CNOT4: variants seen among roughly 807,000 people sequenced by gnomAD.
CNOT4 encodes CCR4-NOT transcription complex subunit 4, also known as CCR4-associated factor 4.
CNOT4 carries 8 observed loss-of-function variants against 73.8 expected under a neutral mutation model. The ratio of observed to expected loss-of-function variants is 0.11; its 90% CI spans 0.06 to 0.20. The LOEUF (loss-of-function observed/expected upper bound fraction) is 0.20, where lower values mean the gene tolerates loss of function less well. Ranked by LOEUF, CNOT4 falls within the 10% of genes least tolerant of loss-of-function variation. The pLI is 1.00. For synonymous variants in CNOT4, 293 were observed against 321.1 expected (o/e 0.91, Z 0.94); for missense variants, 564 against 883.4 (o/e 0.64, Z 4.58).
chr7:135,369,569 C>T (rs1041806854), intron 10 of CNOT4, among the ~76,000 whole-genome samples: 1 of 152,136 alleles, frequency 6.6e-6, no homozygotes, highest in African/African-American at 2.4e-5. Flanking sequence ...CTTTATAGTT[C>T]AAAACCACAG....
At chr7:135,486,577 C>T (rs895846181) in intron 1 of CNOT4, among the ~76,000 whole-genome samples, 3 of 152,190 alleles carry the variant, frequency 2.0e-5, no homozygotes, top group Admixed American at 6.5e-5. Flanking sequence ...GAAATAAAAA[C>T]TTATGTTATA....
intron 1 of CNOT4, among the ~76,000 whole-genome samples, chr7:135,505,864 T>C (rs1202943797): frequency 6.6e-6 from 1 of 152,116 alleles, no homozygotes; most frequent in Non-Finnish European, 1.5e-5. Flanking sequence ...TCTATTATAG[T>C]AGAAAAAGTT....
intron 10 of CNOT4, among the ~76,000 whole-genome samples, chr7:135,381,477 C>A (rs1452852576): frequency 6.6e-6 from 1 of 152,188 alleles, no homozygotes; most frequent in African/African-American, 2.4e-5. Context: ...GAGCTCCTTG[C>A]ACTGCCCCCC....
At chr7:135,395,550 T>C in intron 9 of CNOT4, 84 bp downstream of exon 9, 1 of 1,411,780 alleles carries the variant, frequency 7.1e-7, no homozygotes, top group Non-Finnish European at 9.6e-7. Context: ...AAGATAAAAA[T>C]ATATCCACTA....
rs1799880107 is a variant in CNOT4 at position 135,447,120 on chromosome 7, A to G, written c.-92-8697T>C. On this transcript the variant is annotated intron_variant, in intron 1 of 11. Transcript: ENST00000541284. Reference sequence around the variant, plus strand: ...TACGTAAAAGAAAGAATAAATTGTTATATGTCTGTTATAAATGACAACCTT... The same window carrying G: ...TACGTAAAAGAAAGAATAAATTGTTGTATGTCTGTTATAAATGACAACCTT... Among the ~76,000 whole-genome samples, 3 of 120,954 alleles carry G rather than the reference A, an allele frequency of 2.5e-5. 1 individual carries two copies. The highest frequency in any genetic ancestry group is 7.8e-5 in the African/African-American group (3 of 38,220). The allele number at this position is 120,954 out of a possible 152,430, so 79.4% of individuals were successfully genotyped here. A position where few individuals can be genotyped will look rare whatever the true frequency, so the allele number is the denominator to read the frequency against.
intron 1 of CNOT4, among the ~76,000 whole-genome samples, chr7:135,440,162 A>C (rs1418498762): frequency 6.6e-6 from 1 of 151,766 alleles, no homozygotes; most frequent in East Asian, 1.9e-4. Flanking sequence ...ACATATAATG[A>C]AAAGCTAATG....
chr7:135,510,071 G>T lies in CNOT4; in HGVS notation c.-275C>A. Reference sequence around the variant, plus strand: ...TTCGGTGGGTTCCACAGCCAGACGGGCCACCATCTTACATTAGGGTAAGAC... The same window carrying T: ...TTCGGTGGGTTCCACAGCCAGACGGTCCACCATCTTACATTAGGGTAAGAC... On this transcript the variant is annotated 5_prime_UTR_variant, in exon 1 of 12. Transcript: ENST00000541284. The T allele has an allele frequency of 2.5e-6, 1 of 399,156 alleles. No homozygotes were observed. The allele number at this position is 399,156 out of a possible 1,614,324, so 24.7% of individuals were successfully genotyped here.
chr7:135,378,518 GA>G (rs34652888), intron 10 of CNOT4, among the ~76,000 whole-genome samples: 107,133 of 145,144 alleles, frequency 0.74, 39,178 homozygotes, highest in Admixed American at 0.8. Flanking sequence ...TAGAGAGAAG[GA>G]AAAAAAAAAA....
chr7:135,452,381 C>T (rs1245897948), intron 1 of CNOT4, among the ~76,000 whole-genome samples: 2 of 152,112 alleles, frequency 1.3e-5, no homozygotes, highest in African/African-American at 4.8e-5. Context: ...ACCAGCCTGG[C>T]CAACATGGCG....
chr7:135,476,087 TC>T (rs1230539247), intron 1 of CNOT4, among the ~76,000 whole-genome samples: 12 of 152,172 alleles, frequency 7.9e-5, no homozygotes, highest in African/African-American at 2.4e-4. Context: ...GGAGGATCAG[TC>T]TACTGGGTCA....
At chr7:135,491,663 G>A (rs1369732226) in intron 1 of CNOT4, among the ~76,000 whole-genome samples, 1 of 152,192 alleles carries the variant, frequency 6.6e-6, no homozygotes, top group East Asian at 1.9e-4. Flanking sequence ...TTTAGACAAT[G>A]CTTTAAGGGG....
chr7:135,405,365 T>C (rs2129483842), intron 7 of CNOT4, among the ~76,000 whole-genome samples: 1 of 152,300 alleles, frequency 6.6e-6, no homozygotes, highest in East Asian at 1.9e-4. Flanking sequence ...GTGATCTGCA[T>C]ACCCCACAAT....
intron 9 of CNOT4, 75 bp from the exon 10 acceptor site, chr7:135,394,490 G>A (rs556470746): frequency 8.9e-5 from 110 of 1,232,792 alleles, no homozygotes; most frequent in Non-Finnish European, 1.1e-4. Flanking sequence ...CCATGCTACT[G>A]AAAGTTAAAC....
chr7:135,467,518 C>A (rs1801296977), intron 1 of CNOT4, among the ~76,000 whole-genome samples: 1 of 151,896 alleles, frequency 6.6e-6, no homozygotes, highest in Non-Finnish European at 1.5e-5. Flanking sequence ...CAAAACCAGC[C>A]TGGACAATAT....
chr7:135,421,545 A>G (rs1482601034), intron 3 of CNOT4, among the ~76,000 whole-genome samples: 1 of 152,160 alleles, frequency 6.6e-6, no homozygotes, highest in African/African-American at 2.4e-5. Flanking sequence ...CTTTTGGTGG[A>G]AGAAGAGAAA....
intron 2 of CNOT4, among the ~76,000 whole-genome samples, chr7:135,436,995 A>G (rs1053337795): frequency 2.0e-5 from 3 of 152,206 alleles, no homozygotes; most frequent in Non-Finnish European, 2.9e-5. Context: ...CAAATTCCAT[A>G]ATAAAGTGGC....
At chr7:135,414,506 T>G in intron 4 of CNOT4, 74 bp from the exon 5 acceptor site, 1 of 722,950 alleles carries the variant, frequency 1.4e-6, no homozygotes, top group South Asian at 1.7e-5. Context: ...TACTGCAACC[T>G]AGGGAATTCT....
intron 2 of CNOT4, among the ~76,000 whole-genome samples, chr7:135,429,651 T>C (rs1270419912): frequency 6.6e-6 from 1 of 152,212 alleles, no homozygotes; most frequent in Non-Finnish European, 1.5e-5. Flanking sequence ...AATGCAAATG[T>C]TATTTACACT....
intron 1 of CNOT4, among the ~76,000 whole-genome samples, chr7:135,462,672 T>C (rs552422597): frequency 6.6e-6 from 1 of 152,300 alleles, no homozygotes; most frequent in South Asian, 2.1e-4. Context: ...TAGATTCAAA[T>C]TAGAAAGCAT....
Sources: allele counts gnomAD v4.1 joint callset (sites outside exome capture counted in the v4.1 genomes callset), GRCh38; gene constraint gnomAD v4.1.1; transcripts MANE v1.5; gene names NCBI Gene and HGNC (gene_info 2026-07-23, HGNC 2026-07-21).